The following PYGB variants were observed in gnomAD, a reference collection of about 807,000 sequenced individuals.
PYGB encodes the protein glycogen phosphorylase B.
In PYGB, 82 loss-of-function variants were observed where a neutral mutation model predicts 94.3. The ratio of observed to expected loss-of-function variants is 0.87; its 90% CI spans 0.73 to 1.04. The LOEUF (loss-of-function observed/expected upper bound fraction) is 1.04. Among genes scored for constraint, PYGB ranks in the 50% least tolerant of loss-of-function variants. The probability of loss-of-function intolerance (pLI) is 0.00; values close to 1 mark genes in which losing one functional copy is unlikely to be tolerated. For synonymous variants in PYGB, 488 were observed against 479.1 expected (o/e 1.02, Z -0.24); for missense variants, 1,132 against 1,158.2 (o/e 0.98, Z 0.33).
intron 5 of PYGB, 46 bp from the exon 6 acceptor site, chr20:25,276,600 C>T (rs374243661): frequency 3.1e-5 from 47 of 1,536,008 alleles, no homozygotes; most frequent in Non-Finnish European, 3.4e-5. Context: ...CAGGGGCCGG[C>T]GGGGGCCCTT....
chr20:25,258,330 G>C (rs555451636), intron 1 of PYGB, among the ~76,000 whole-genome samples: 3 of 152,284 alleles, frequency 2.0e-5, no homozygotes, highest in African/African-American at 4.8e-5. Context: ...TCCTCAGCAG[G>C]GTGTCGCTAC....
chr20:25,295,061 G>A (rs762483321), intron 18 of PYGB: 1 of 1,609,200 alleles, frequency 6.2e-7, no homozygotes, highest in Admixed American at 1.7e-5. Flanking sequence ...TTAAAATTGT[G>A]AACTCTGCAT....
chr20:25,284,105 A>G lies in PYGB; in HGVS notation c.1622A>G (p.Glu541Gly). Reference protein sequence around the residue: ...FIRDVAKVKQENKLKFSAFLE... With the variant: ...FIRDVAKVKQGNKLKFSAFLE... ...CATCTTTCCCTTTCACCCTCCCAGG[A>G]GAACAAGCTCAAGTTCTCGGCCTTC... The change falls in exon 14 of 20, where the codon GAG becomes GGG. Residue 541 changes from glutamate to glycine, a missense_variant and splice_region_variant. Coordinates refer to ENST00000216962, the MANE Select transcript of PYGB (RefSeq NM_002862.4). 1 of 1,613,866 alleles carries G rather than the reference A, an allele frequency of 6.2e-7. No individual in the cohort carries two copies. Among genetic ancestry groups the G allele is most frequent in the East Asian group, 2.2e-5 (1 of 44,856 alleles).
At chr20:25,281,981 C>T (rs1253151737) in intron 11 of PYGB, 52 bp from the exon 12 acceptor site, 3 of 1,476,302 alleles carry the variant, frequency 2.0e-6, no homozygotes, top group Non-Finnish European at 2.8e-6. Context: ...CTGTTGCTCA[C>T]CTGGTGCAGG....
rs768996439 is a variant in PYGB at position 25,259,297 on chromosome 20, A to G, written c.304A>G (p.Asn102Asp). 3.7e-6 allele frequency: 6 copies of G among 1,612,712 alleles called. No homozygotes were observed. Among genetic ancestry groups the G allele is most frequent in the Non-Finnish European group, 5.1e-6 (6 of 1,178,772 alleles). Residue 102 changes from asparagine (N) to aspartate (D), a missense_variant, in exon 2 of 20, where the codon AAC (asparagine) becomes GAC (aspartate). Transcript: ENST00000216962. ...MGRTLQNTMV[N>D]LGLQNACDEA... Reference sequence around the variant, plus strand: ...TCGCACGCTGCAGAACACGATGGTGAACCTGGGCCTTCAGAATGCCTGCGA... The same window carrying G: ...TCGCACGCTGCAGAACACGATGGTGGACCTGGGCCTTCAGAATGCCTGCGA...
chr20:25,294,684 C>T (rs568279379), intron 18 of PYGB: 32 of 585,702 alleles, frequency 5.5e-5, no homozygotes, highest in East Asian at 1.5e-4. Context: ...TGCGGAACCG[C>T]GGCAGGCGTC....
intron 7 of PYGB, 117 bp downstream of exon 7, chr20:25,277,443 C>G: frequency 1.1e-6 from 1 of 934,308 alleles, no homozygotes; most frequent in South Asian, 1.5e-5. Flanking sequence ...AAGCAGCCAC[C>G]TGGTGGCCCT....
chr20:25,273,348 T>TGCCTGCTGTGCGGAGGG (rs567090327), intron 4 of PYGB, among the ~76,000 whole-genome samples: 19 of 151,854 alleles, frequency 1.3e-4, no homozygotes, highest in South Asian at 6.2e-4. Context: ...CATGGGGAGG[T>TGCCTGCTGTGCGGAGGG]GCCTGCTGTG....
intron 1 of PYGB, among the ~76,000 whole-genome samples, chr20:25,250,206 C>T (rs2092883750): frequency 6.6e-6 from 1 of 152,170 alleles, no homozygotes; most frequent in Non-Finnish European, 1.5e-5. Context: ...TCTGCCTTCA[C>T]ATTCAAGGGC....
At chr20:25,283,090 G>C in intron 12 of PYGB, 86 bp from the exon 13 acceptor site, 1 of 1,133,822 alleles carries the variant, frequency 8.8e-7, no homozygotes, top group Non-Finnish European at 1.3e-6. Flanking sequence ...AGGGGCGTGG[G>C]CAACAATGGG....
Position 25,297,789 on chromosome 20 carries a change from A to G in PYGB, c.*1267A>G, listed in dbSNP as rs2088572227. Reference sequence around the variant, plus strand: ...CAGTGCCCACCAGGAGGATCTGCGCACGGTGCACAGCCCACCAGAGCACTA... The same window carrying G: ...CAGTGCCCACCAGGAGGATCTGCGCGCGGTGCACAGCCCACCAGAGCACTA... On this transcript the variant is annotated 3_prime_UTR_variant, in exon 20 of 20. Coordinates refer to ENST00000216962, the MANE Select transcript of PYGB (RefSeq NM_002862.4). 6.6e-6 allele frequency: 1 copy of G among 152,056 alleles called. No homozygotes were observed. The highest frequency in any genetic ancestry group is 1.5e-5 in the Non-Finnish European group (1 of 68,030). The allele number at this position is 152,056 out of a possible 1,614,324, so 9.4% of individuals were successfully genotyped here. A position where few individuals can be genotyped will look rare whatever the true frequency, so the allele number is the denominator to read the frequency against.
At position 25,279,013 on chromosome 20, in the gene PYGB, C is replaced by T. The variant is rs34827380; in HGVS notation, c.1000-44C>T. 1.8e-3 allele frequency: 2,787 copies of T among 1,569,458 alleles called. 2 individuals are homozygous for T. Among genetic ancestry groups the T allele is most frequent in the Non-Finnish European group, 2.2e-3 (2,518 of 1,147,814 alleles). ...GTATGCCAACAACCGTGGGTGCCCA[C>T]GTGGGATGAAATGACTGAATGGCAC... is the stretch of plus-strand genomic sequence containing the variant. On this transcript the variant is annotated intron_variant, in intron 8 of 19. Coordinates refer to ENST00000216962, the MANE Select transcript of PYGB (RefSeq NM_002862.4).
intron 4 of PYGB, among the ~76,000 whole-genome samples, chr20:25,272,519 A>G (rs1468528351): frequency 2.0e-5 from 3 of 152,280 alleles, no homozygotes; most frequent in Non-Finnish European, 2.9e-5. Flanking sequence ...GCACCCCAAA[A>G]TCAATGGATT....
chr20:25,254,774 G>A (rs2092898571), intron 1 of PYGB, among the ~76,000 whole-genome samples: 1 of 152,204 alleles, frequency 6.6e-6, no homozygotes, highest in South Asian at 2.1e-4. Flanking sequence ...ATCGCTTTCT[G>A]GCTCTGGATT....
intron 1 of PYGB, among the ~76,000 whole-genome samples, chr20:25,255,413 G>GC (rs57976475): frequency 0.024 from 3,666 of 152,342 alleles, 137 homozygotes; most frequent in African/African-American, 0.08. Flanking sequence ...GGGGCTGGGA[G>GC]CCCCCGCTCC....
intron 17 of PYGB, 191 bp from the exon 18 acceptor site, chr20:25,293,967 C>G (rs559422837): frequency 1.1e-5 from 7 of 652,036 alleles, no homozygotes; most frequent in South Asian, 3.8e-5. Flanking sequence ...CTTCACATCT[C>G]TGCTCGAGCA....
Position 25,248,411 on chromosome 20 carries a change from G to A in PYGB, c.233G>A (p.Arg78His). 1 of 1,541,654 alleles carries A rather than the reference G, an allele frequency of 6.5e-7. No individual in the cohort carries two copies. ...CGCACGCAGCAGCACTACTACGAGC[G>A]CGACCCCAAGGTGAGGCGCTGCCCC... ...WIRTQQHYYE[R>H]DPKRIYYLSL... Residue 78 changes from arginine (R) to histidine (H), a missense_variant, in exon 1 of 20, where the codon CGC becomes CAC. Physicochemically the swap from Arg to His is conservative, Grantham distance 29 (BLOSUM62 0). Transcript: ENST00000216962.
intron 11 of PYGB, among the ~76,000 whole-genome samples, chr20:25,281,357 C>G (rs773881114): frequency 2.6e-5 from 4 of 152,232 alleles, no homozygotes; most frequent in Non-Finnish European, 4.4e-5. Context: ...GGGGAGACGG[C>G]TTTGTCTCCT....
chr20:25,271,025 G>C (rs956419307), intron 3 of PYGB, among the ~76,000 whole-genome samples: 5 of 152,168 alleles, frequency 3.3e-5, no homozygotes, highest in African/African-American at 1.2e-4. Context: ...TGTCAGAACA[G>C]CCTGGGTTTC....
Sources: gnomAD v4.1 joint callset for allele counts (sites outside exome capture counted in the v4.1 genomes callset) on GRCh38, gnomAD v4.1.1 for gene constraint, MANE v1.5 for transcripts, NCBI Gene and HGNC (gene_info 2026-07-23, HGNC 2026-07-21) for gene names.